The following MYO1B variants were observed in gnomAD, a reference collection of about 807,000 sequenced individuals.
MYO1B encodes the protein unconventional myosin-Ib.
MYO1B carries 72 observed loss-of-function variants against 159.7 expected under a neutral mutation model. The ratio of observed to expected loss-of-function variants is 0.45; its 90% CI spans 0.37 to 0.55. MYO1B has a LOEUF of 0.55. MYO1B is among the 20% of genes least tolerant of loss of function. The probability of loss-of-function intolerance (pLI) is 0.00; values close to 1 mark genes in which losing one functional copy is unlikely to be tolerated. For synonymous variants in MYO1B, 468 were observed against 473.8 expected, an observed-to-expected ratio of 0.99 and a Z score of 0.16; for missense variants, 1,062 against 1,364.8, an observed-to-expected ratio of 0.78 and a Z score of 3.50.
intron 8 of MYO1B, among the ~76,000 whole-genome samples, chr2:191,361,977 G>A (rs1693699076): frequency 6.6e-6 from 1 of 152,004 alleles, no homozygotes; most frequent in Non-Finnish European, 1.5e-5. Context: ...GAATCACCAG[G>A]CAGACCTCAT....
intron 7 of MYO1B, among the ~76,000 whole-genome samples, chr2:191,356,266 C>T (rs1693274172): frequency 6.7e-6 from 1 of 150,034 alleles, no homozygotes; most frequent in African/African-American, 2.5e-5. Context: ...TTTAATCTGC[C>T]TTTTTAGGGT....
At chr2:191,298,167 G>A (rs1689096030) in intron 3 of MYO1B, among the ~76,000 whole-genome samples, 1 of 152,072 alleles carries the variant, frequency 6.6e-6, no homozygotes, top group African/African-American at 2.4e-5. Context: ...GGGCTGTTTG[G>A]AACTAAAGAT....
intron 3 of MYO1B, among the ~76,000 whole-genome samples, chr2:191,301,724 C>G (rs762658880): frequency 6.6e-6 from 1 of 152,248 alleles, no homozygotes; most frequent in Non-Finnish European, 1.5e-5. Flanking sequence ...AAGCGATACT[C>G]AGTCGATACT....
chr2:191,362,334 A>G lies in MYO1B; in HGVS notation c.728A>G (p.Asn243Ser), dbSNP rs1294472809. Residue 243 changes from asparagine (N) to serine (S), a missense_variant, in exon 9 of 31, where the codon AAT becomes AGT. By Grantham distance (46) the Asn-to-Ser change is conservative. Transcript: ENST00000392318. ...NYLSLDSAKV[N>S]GVDDAANFRT... ...CTGAGTCTGGATTCGGCCAAAGTGAATGGAGTGGATGATGCAGCAAATTTT... is the reference window on the plus strand; with the variant it reads ...CTGAGTCTGGATTCGGCCAAAGTGAGTGGAGTGGATGATGCAGCAAATTTT... 4.3e-6 allele frequency: 7 copies of G among 1,613,902 alleles called. No homozygotes were observed. The highest frequency in any genetic ancestry group is 1.1e-5 in the South Asian group (1 of 91,064).
chr2:191,378,940 T>A (rs1413709068), intron 13 of MYO1B, among the ~76,000 whole-genome samples: 1 of 152,212 alleles, frequency 6.6e-6, no homozygotes, highest in Admixed American at 6.5e-5. Flanking sequence ...TGATAATTTA[T>A]AATTAGAAGC....
chr2:191,344,536 G>C (rs934633418), intron 5 of MYO1B, among the ~76,000 whole-genome samples: 3 of 152,094 alleles, frequency 2.0e-5, no homozygotes, highest in Non-Finnish European at 4.4e-5. Context: ...ATCTTTTTAA[G>C]AATCAAAAAC....
At chr2:191,280,871 C>T (rs982573799) in intron 2 of MYO1B, among the ~76,000 whole-genome samples, 1 of 152,100 alleles carries the variant, frequency 6.6e-6, no homozygotes, top group Non-Finnish European at 1.5e-5. Flanking sequence ...AGGATGTGTC[C>T]ATGGGAAGAA....
intron 7 of MYO1B, among the ~76,000 whole-genome samples, chr2:191,352,177 A>G (rs1692968586): frequency 1.3e-5 from 2 of 152,208 alleles, no homozygotes; most frequent in African/African-American, 4.8e-5. Context: ...TTTTTACAAT[A>G]TATGGCAGCT....
intron 1 of MYO1B, among the ~76,000 whole-genome samples, chr2:191,273,302 T>C (rs1687568001): frequency 6.6e-6 from 1 of 152,166 alleles, no homozygotes; most frequent in African/African-American, 2.4e-5. Context: ...TTTGTATTTT[T>C]AGTAGAGACA....
At chr2:191,287,939 T>G (rs562254721) in intron 2 of MYO1B, among the ~76,000 whole-genome samples, 3 of 152,102 alleles carry the variant, frequency 2.0e-5, no homozygotes. Flanking sequence ...GATGTCTTTG[T>G]TTTAGGGAAG....
At chr2:191,273,244 C>T (rs756153986) in intron 1 of MYO1B, among the ~76,000 whole-genome samples, 5 of 152,134 alleles carry the variant, frequency 3.3e-5, no homozygotes, top group Non-Finnish European at 7.4e-5. Context: ...TCAACCTCCT[C>T]CTGAGTAGCT....
At chr2:191,272,399 C>T (rs1371286437) in intron 1 of MYO1B, among the ~76,000 whole-genome samples, 4 of 152,178 alleles carry the variant, frequency 2.6e-5, no homozygotes, top group Non-Finnish European at 5.9e-5. Flanking sequence ...GGCCTTGGTA[C>T]TTTGCAGATT....
chr2:191,367,942 C>T (rs1694114577), intron 11 of MYO1B, among the ~76,000 whole-genome samples: 1 of 152,186 alleles, frequency 6.6e-6, no homozygotes, highest in South Asian at 2.1e-4. Flanking sequence ...AAAGATGCAT[C>T]TAAATTATAT....
intron 1 of MYO1B, among the ~76,000 whole-genome samples, chr2:191,262,210 T>C (rs936417327): frequency 2.0e-5 from 3 of 152,144 alleles, no homozygotes; most frequent in Admixed American, 6.5e-5. Context: ...AGGGCCTGTA[T>C]GCAGTGAGAA....
intron 11 of MYO1B, among the ~76,000 whole-genome samples, chr2:191,366,173 G>A (rs1166418548): frequency 6.6e-6 from 1 of 152,086 alleles, no homozygotes; most frequent in Non-Finnish European, 1.5e-5. Flanking sequence ...GACCCTTTAG[G>A]AATATGTATA....
At chr2:191,360,751 GTGT>G (rs71403288) in intron 8 of MYO1B, 22 bp downstream of exon 8, 17,640 of 1,102,362 alleles carry the variant, frequency 0.016, 228 homozygotes, top group Admixed American at 0.1. Flanking sequence ...TTTCTATGTG[GTGT>G]TGTTGTTGTT....
chr2:191,416,242 A>G lies in MYO1B; in HGVS notation c.3287A>G (p.Glu1096Gly). The G allele has an allele frequency of 1.2e-6, 2 of 1,614,128 alleles. No individual in the cohort carries two copies. The highest frequency in any genetic ancestry group is 1.7e-6 in the Non-Finnish European group (2 of 1,180,022). ...AAGCTCAATATTGAGATTTCCGATG[A>G]GTACGTTCATGTATTGTTTGAAAAC... is the stretch of plus-strand genomic sequence containing the variant. ...KQKLNIEISD[E>G]FLVQFRQDKV... The change falls in exon 30 of 31, where the codon GAG becomes GGG. Residue 1096 changes from glutamate (E) to glycine (G), a missense_variant and splice_region_variant. This residue lies in a region of MYO1B where 609 missense variants were observed against 744.4 expected (regional missense o/e 0.82). Transcript: ENST00000392318.
Position 191,416,229 on chromosome 2 carries a change from G to C in MYO1B, c.3274G>C (p.Glu1092Gln). ...LSQTKQKLNI[E>Q]ISDEFLVQFR... is the part of the protein sequence containing the mutation. ...CCAAACCAAACAGAAGCTCAATATT[G>C]AGATTTCCGATGAGTACGTTCATGT... Residue 1092 changes from glutamate to glutamine, a missense_variant, in exon 30 of 31, where the codon GAG (glutamate) becomes CAG (glutamine). Coordinates refer to ENST00000392318, the MANE Select transcript of MYO1B (RefSeq NM_001130158.3). The C allele has an allele frequency of 6.2e-7, 1 of 1,614,104 alleles. No individual in the cohort carries two copies. Among genetic ancestry groups the C allele is most frequent in the Non-Finnish European group, 8.5e-7 (1 of 1,180,020 alleles).
chr2:191,381,735 GA>G (rs2126072290), intron 14 of MYO1B, among the ~76,000 whole-genome samples, 169 bp downstream of exon 14: 1 of 152,294 alleles, frequency 6.6e-6, no homozygotes, highest in East Asian at 1.9e-4. Context: ...TTACCTATAA[GA>G]AGCTATAGAG....
Sources: gnomAD v4.1 joint callset for allele counts (sites outside exome capture counted in the v4.1 genomes callset) on GRCh38, gnomAD v4.1.1 for gene constraint, gnomAD v4.1.1 regional missense constraint, MANE v1.5 for transcripts, NCBI Gene and HGNC (gene_info 2026-07-23, HGNC 2026-07-21) for gene names.